PSMD1: variants seen among roughly 807,000 people sequenced by gnomAD.
PSMD1 encodes proteasome 26S subunit, non-ATPase 1, also known as 26S proteasome non-ATPase regulatory subunit 1.
A neutral mutation model predicts 119.0 loss-of-function variants in PSMD1; 18 were observed. The observed-to-expected ratio is 0.15, with a 90% confidence interval of 0.10 to 0.22. PSMD1 has a LOEUF of 0.22. Among genes scored for constraint, PSMD1 ranks in the 10% least tolerant of loss-of-function variants. The pLI is 1.00. For missense variants in PSMD1, 702 were observed against 1,158.5 expected, an observed-to-expected ratio of 0.61 and a Z score of 5.72; for synonymous variants, 374 against 396.6, an observed-to-expected ratio of 0.94 and a Z score of 0.68.
At chr2:231,171,917 T>C (rs1325297008) in intron 24 of PSMD1, among the ~76,000 whole-genome samples, 1 of 152,170 alleles carries the variant, frequency 6.6e-6, no homozygotes, top group Admixed American at 6.6e-5. Flanking sequence ...AAAGGTCTGG[T>C]TGCAAATCTA....
At chr2:231,057,600 G>A (rs1693635448) in intron 1 of PSMD1, among the ~76,000 whole-genome samples, 1 of 152,208 alleles carries the variant, frequency 6.6e-6, no homozygotes, top group Non-Finnish European at 1.5e-5. Context: ...AGAACTTTTG[G>A]GTTCGGCGAA....
intron 21 of PSMD1, among the ~76,000 whole-genome samples, chr2:231,164,303 G>A (rs1469788410): frequency 3.3e-5 from 5 of 152,150 alleles, no homozygotes; most frequent in Middle Eastern, 3.2e-3. Context: ...TATGTTCATA[G>A]TTATTAACTA....
chr2:231,123,941 C>A, intron 16 of PSMD1: 1 of 641,456 alleles, frequency 1.6e-6, no homozygotes, highest in South Asian at 1.7e-5. Context: ...ATACACACAT[C>A]TGTCCATGTT....
chr2:231,092,339 C>T (rs1387334093), intron 16 of PSMD1, among the ~76,000 whole-genome samples: 4 of 152,088 alleles, frequency 2.6e-5, no homozygotes, highest in South Asian at 2.1e-4. Flanking sequence ...GGGTCACAAA[C>T]GTGGAGTTTT....
intron 1 of PSMD1, among the ~76,000 whole-genome samples, chr2:231,059,821 C>G (rs1036081487): frequency 5.9e-5 from 9 of 152,220 alleles, no homozygotes; most frequent in Admixed American, 5.9e-4. Context: ...ATTCTCTCCC[C>G]TCTCCAGAAG....
At chr2:231,062,443 G>T in intron 3 of PSMD1, 63 bp from the exon 4 acceptor site, 2 of 1,551,712 alleles carry the variant, frequency 1.3e-6, no homozygotes, top group Non-Finnish European at 1.7e-6. Flanking sequence ...TGAATATTTA[G>T]ATTTGGGATT....
Position 231,158,028 on chromosome 2 carries a change from A to C in PSMD1, c.2219-3312A>C, listed in dbSNP as rs1298841309. On this transcript the variant is annotated intron_variant, in intron 19 of 24. Coordinates refer to ENST00000308696, the MANE Select transcript of PSMD1 (RefSeq NM_002807.4). ...TTCTCTCAGTAAAATTAGTGGTAGTAGGCCTGGCTTAGTGGCTAACACCTG... is the reference window on the plus strand; with the variant it reads ...TTCTCTCAGTAAAATTAGTGGTAGTCGGCCTGGCTTAGTGGCTAACACCTG... Among the ~76,000 whole-genome samples, 3 of 152,012 alleles carry C rather than the reference A, an allele frequency of 2.0e-5. No homozygotes were observed. The East Asian group carries it at 5.8e-4, about 29-fold the overall frequency.
At chr2:231,106,525 T>C (rs1457348626) in intron 16 of PSMD1, among the ~76,000 whole-genome samples, 4 of 151,776 alleles carry the variant, frequency 2.6e-5, no homozygotes, top group African/African-American at 4.8e-5. Context: ...GGCTGAGGCA[T>C]GAGAATCACT....
chr2:231,137,711 C>T (rs62193730), intron 16 of PSMD1, among the ~76,000 whole-genome samples: 53 of 152,126 alleles, frequency 3.5e-4, no homozygotes, highest in Middle Eastern at 3.4e-3. Flanking sequence ...CCCTCCAGTT[C>T]CCAGTGTTCA....
Position 231,072,389 on chromosome 2 carries a change from T to G in PSMD1, c.855T>G (p.Gly285=), listed in dbSNP as rs1406784331. Residue 285 remains glycine (G), a synonymous_variant, in exon 7 of 25, where the codon GGT becomes GGG. Coordinates refer to ENST00000308696, the MANE Select transcript of PSMD1 (RefSeq NM_002807.4). ...IASVPGSTNT[G]TVPGSEKDSD... ...CTGTGCCTGGATCCACTAATACGGGTACTGTTCCGGGATCAGAGAAAGACA... is the reference window on the plus strand; with the variant it reads ...CTGTGCCTGGATCCACTAATACGGGGACTGTTCCGGGATCAGAGAAAGACA... 6 of 1,613,144 alleles carry G rather than the reference T, an allele frequency of 3.7e-6. No individual in the cohort carries two copies. The highest frequency in any genetic ancestry group is 5.1e-6 in the Non-Finnish European group (6 of 1,179,084).
At chr2:231,089,613 A>G (rs1694539558) in intron 16 of PSMD1, among the ~76,000 whole-genome samples, 1 of 150,416 alleles carries the variant, frequency 6.6e-6, no homozygotes, top group African/African-American at 2.5e-5. Flanking sequence ...ATATATATAT[A>G]TGGGAGTTTA....
At chr2:231,128,810 T>C (rs536195700) in intron 16 of PSMD1, among the ~76,000 whole-genome samples, 1 of 152,212 alleles carries the variant, frequency 6.6e-6, no homozygotes, top group Non-Finnish European at 1.5e-5. Flanking sequence ...AGTGCTGTCT[T>C]ACCACAATAC....
intron 16 of PSMD1, among the ~76,000 whole-genome samples, chr2:231,138,452 A>G (rs906573553): frequency 1.3e-5 from 2 of 152,228 alleles, no homozygotes; most frequent in African/African-American, 4.8e-5. Flanking sequence ...TGTTCCTGCC[A>G]TGGAGGAGGT....
chr2:231,106,213 G>A (rs946671253), intron 16 of PSMD1, among the ~76,000 whole-genome samples: 10 of 151,996 alleles, frequency 6.6e-5, no homozygotes, highest in Non-Finnish European at 1.2e-4. Flanking sequence ...AGAGTTTGTG[G>A]CTTGGTTGTA....
intron 12 of PSMD1, among the ~76,000 whole-genome samples, chr2:231,081,890 C>T (rs1694317679): frequency 6.6e-6 from 1 of 152,102 alleles, no homozygotes; most frequent in Non-Finnish European, 1.5e-5. Flanking sequence ...GCCTCCTTTC[C>T]CTCAACCCAT....
chr2:231,085,810 A>G (rs918050502), intron 15 of PSMD1, among the ~76,000 whole-genome samples: 6 of 152,210 alleles, frequency 3.9e-5, no homozygotes, highest in Non-Finnish European at 5.9e-5. Flanking sequence ...CACAGTGGAC[A>G]TTCCACGTGT....
intron 16 of PSMD1, among the ~76,000 whole-genome samples, chr2:231,114,215 C>T (rs1198851806): frequency 2.6e-5 from 4 of 152,080 alleles, no homozygotes; most frequent in Admixed American, 6.5e-5. Flanking sequence ...GCTCTTTTGT[C>T]GATTCCATTT....
intron 16 of PSMD1, among the ~76,000 whole-genome samples, chr2:231,106,889 A>G: frequency 6.6e-6 from 1 of 152,202 alleles, no homozygotes; most frequent in Non-Finnish European, 1.5e-5. Flanking sequence ...CAGAATTTGG[A>G]ATACTGTCAT....
In PSMD1 at chr2:231,072,402, T is replaced by C; in HGVS notation, c.868T>C (p.Ser290Pro). ...GSTNTGTVPGSEKDSDSMETE... is the reference protein window; with the variant it reads ...GSTNTGTVPGPEKDSDSMETE... ...CACTAATACGGGTACTGTTCCGGGATCAGAGAAAGACAGGTATAAGTACCT... is the reference window on the plus strand; with the variant it reads ...CACTAATACGGGTACTGTTCCGGGACCAGAGAAAGACAGGTATAAGTACCT... The change falls in exon 7 of 25, where the codon TCA (serine) becomes CCA (proline). Residue 290 changes from serine to proline, a missense_variant. By Grantham distance (74) the Ser-to-Pro change is moderately conservative. Transcript: ENST00000308696. The C allele has an allele frequency of 6.2e-7, 1 of 1,610,306 alleles. No individual in the cohort carries two copies. Among genetic ancestry groups the C allele is most frequent in the East Asian group, 2.2e-5 (1 of 44,856 alleles).
Sources: gnomAD v4.1 joint callset for allele counts (sites outside exome capture counted in the v4.1 genomes callset) on GRCh38, gnomAD v4.1.1 for gene constraint, MANE v1.5 for transcripts, NCBI Gene and HGNC (gene_info 2026-07-23, HGNC 2026-07-21) for gene names.